NAV2: variants seen among roughly 807,000 people sequenced by gnomAD.
NAV2 encodes the protein neuron navigator 2, also known as helicase, APC down-regulated 1.
In NAV2, 54 loss-of-function variants were observed where a neutral mutation model predicts 223.2. That is an observed-to-expected ratio of 0.24 (90% CI 0.19 to 0.30). The LOEUF is 0.30. Ranked by LOEUF, NAV2 falls within the 10% of genes least tolerant of loss-of-function variation. The pLI is 1.00. For synonymous variants in NAV2, 1,279 were observed against 1,239.3 expected, an observed-to-expected ratio of 1.03 and a Z score of -0.67; for missense variants, 2,806 against 3,147.5, an observed-to-expected ratio of 0.89 and a Z score of 2.60.
intron 1 of NAV2, among the ~76,000 whole-genome samples, chr11:19,595,943 CACTT>C (rs1455137416): frequency 1.3e-5 from 2 of 152,210 alleles, no homozygotes; most frequent in Non-Finnish European, 2.9e-5. Context: ...CTCCCAAACA[CACTT>C]ACACTAAATA....
chr11:19,578,164 T>C lies in NAV2; in HGVS notation c.75+227137T>C, dbSNP rs577601452. ...TGTAAGAGAAGCAAATAGCAGTTCATGCATCTCCAGTGCAGAGTGCCTCTG... is the reference window on the plus strand; with the variant it reads ...TGTAAGAGAAGCAAATAGCAGTTCACGCATCTCCAGTGCAGAGTGCCTCTG... On this transcript the variant is annotated intron_variant, in intron 1 of 37. Transcript: ENST00000360655. 3.2e-4 allele frequency among the ~76,000 whole-genome samples: 48 copies of C among 152,344 alleles called. 1 individual carries two copies. Among genetic ancestry groups the C allele is most frequent in the African/African-American group, 1.1e-3 (45 of 41,590 alleles).
At chr11:19,679,229 G>A (rs983179629) in intron 1 of NAV2, among the ~76,000 whole-genome samples, 2 of 152,038 alleles carry the variant, frequency 1.3e-5, no homozygotes, top group Admixed American at 6.6e-5. Flanking sequence ...TCAGGAGTTC[G>A]AGAGCAGCCT....
chr11:19,830,516 A>G (rs2059872314), intron 1 of NAV2, among the ~76,000 whole-genome samples: 1 of 152,254 alleles, frequency 6.6e-6, no homozygotes, highest in Non-Finnish European at 1.5e-5. Context: ...TCTGCCACAT[A>G]GAATGAAGAT....
chr11:19,411,565 G>A (rs1850146128), intron 1 of NAV2, among the ~76,000 whole-genome samples: 1 of 152,108 alleles, frequency 6.6e-6, no homozygotes, highest in Non-Finnish European at 1.5e-5. Context: ...TCAATCTCAA[G>A]GTGCCCTGAG....
At chr11:20,050,009 T>A in intron 16 of NAV2, 108 bp downstream of exon 16, 1 of 957,064 alleles carries the variant, frequency 1.0e-6, no homozygotes, top group East Asian at 2.4e-5. Context: ...CACCTGCTTG[T>A]GTTTGTGGCT....
chr11:20,082,801 C>A (rs967433861), intron 25 of NAV2, among the ~76,000 whole-genome samples: 1 of 152,160 alleles, frequency 6.6e-6, no homozygotes, highest in African/African-American at 2.4e-5. Context: ...GGAATGTTAC[C>A]CACAGATGCA....
At chr11:20,041,147 G>A (rs933873894) in intron 12 of NAV2, among the ~76,000 whole-genome samples, 1 of 152,156 alleles carries the variant, frequency 6.6e-6, no homozygotes, top group Non-Finnish European at 1.5e-5. Flanking sequence ...AGGAGAATCT[G>A]CTGGGTATAG....
intron 1 of NAV2, among the ~76,000 whole-genome samples, chr11:19,749,370 C>T (rs1279248611): frequency 2.0e-5 from 3 of 152,116 alleles, no homozygotes; most frequent in African/African-American, 7.2e-5. Flanking sequence ...GCTGCTGCAA[C>T]GTTGTTCCCA....
At chr11:19,497,501 G>A (rs2042833844) in intron 1 of NAV2, among the ~76,000 whole-genome samples, 1 of 152,176 alleles carries the variant, frequency 6.6e-6, no homozygotes, top group African/African-American at 2.4e-5. Flanking sequence ...GAGTGGTCTA[G>A]TGTGTTTGCT....
intron 22 of NAV2, among the ~76,000 whole-genome samples, chr11:20,072,201 T>C (rs915695519): frequency 6.6e-6 from 1 of 152,222 alleles, no homozygotes; most frequent in African/African-American, 2.4e-5. Context: ...GGGAATCCTT[T>C]CCCCATTGCT....
chr11:19,700,843 GA>G (rs1294092887), intron 1 of NAV2, among the ~76,000 whole-genome samples: 1 of 152,192 alleles, frequency 6.6e-6, no homozygotes, highest in Non-Finnish European at 1.5e-5. Flanking sequence ...CACGAGAAAA[GA>G]ATTTTGATTC....
intron 11 of NAV2, among the ~76,000 whole-genome samples, chr11:20,028,133 C>G (rs1261139308): frequency 6.6e-6 from 1 of 152,206 alleles, no homozygotes; most frequent in East Asian, 1.9e-4. Flanking sequence ...AATTCTCACT[C>G]CTCACAACAG....
chr11:19,657,422 GA>G (rs2048157265), intron 1 of NAV2, among the ~76,000 whole-genome samples: 1 of 152,186 alleles, frequency 6.6e-6, no homozygotes. Flanking sequence ...TTGAGGATTT[GA>G]ACTCAAGTTA....
At chr11:19,931,609 A>AAAAAAAAAAGAAAAAAAAAG (rs10692495) in intron 6 of NAV2, among the ~76,000 whole-genome samples, 1 of 137,304 alleles carries the variant, frequency 7.3e-6, no homozygotes, top group African/African-American at 2.6e-5. Flanking sequence ...AAAAAAAAAA[A>AAAAAAAAAAGAAAAAAAAAG]GCAGAAGAAG....
intron 1 of NAV2, among the ~76,000 whole-genome samples, chr11:19,766,722 C>T (rs2055260643): frequency 6.6e-6 from 1 of 152,170 alleles, no homozygotes; most frequent in Admixed American, 6.5e-5. Flanking sequence ...CTGGGATCTC[C>T]TTCTATAGGC....
chr11:19,519,722 G>C (rs1317480373), intron 1 of NAV2: 1 of 152,238 alleles, frequency 6.6e-6, no homozygotes, highest in Admixed American at 6.5e-5. Context: ...GACCCTCCAG[G>C]CTGGGGCTGG....
At chr11:19,896,649 C>T (rs1255308744) in intron 6 of NAV2, among the ~76,000 whole-genome samples, 2 of 152,048 alleles carry the variant, frequency 1.3e-5, no homozygotes, top group Non-Finnish European at 2.9e-5. Flanking sequence ...AATGTGTGAC[C>T]CCGTTGACCT....
intron 1 of NAV2, among the ~76,000 whole-genome samples, chr11:19,645,340 G>A (rs529153342): frequency 1.3e-5 from 2 of 152,170 alleles, no homozygotes; most frequent in Admixed American, 6.5e-5. Context: ...TACACTGGGT[G>A]CACCTGGATA....
intron 1 of NAV2, among the ~76,000 whole-genome samples, chr11:19,497,425 T>G (rs553663782): frequency 4.6e-5 from 7 of 152,310 alleles, no homozygotes; most frequent in African/African-American, 1.7e-4. Context: ...CAGAACATGA[T>G]GGAAGAAATG....
Sources: gnomAD v4.1 joint callset for allele counts (sites outside exome capture counted in the v4.1 genomes callset) on GRCh38, gnomAD v4.1.1 for gene constraint, MANE v1.5 for transcripts, NCBI Gene and HGNC (gene_info 2026-07-23, HGNC 2026-07-21) for gene names.